Variants in SYT1 observed in about 807,000 individuals in gnomAD.
The protein encoded by SYT1 is synaptotagmin 1.
Under a neutral mutation model 44.8 loss-of-function variants are expected in SYT1, and 8 were observed. That is an observed-to-expected ratio of 0.18 (90% confidence interval 0.10 to 0.32). SYT1 has a LOEUF of 0.32. SYT1 is among the 10% of genes least tolerant of loss of function. SYT1 has a pLI of 1.00. For synonymous variants in SYT1, 154 were observed against 188.8 expected, an observed-to-expected ratio of 0.82 and a Z score of 1.51; for missense variants, 286 against 509.3, an observed-to-expected ratio of 0.56 and a Z score of 4.22.
chr12:79,021,230 G>C (rs1465909771), intron 2 of SYT1, among the ~76,000 whole-genome samples: 1 of 151,852 alleles, frequency 6.6e-6, no homozygotes, highest in Non-Finnish European at 1.5e-5. Context: ...CTGCACATTT[G>C]GCTAGGAGAC....
intron 9 of SYT1, among the ~76,000 whole-genome samples, chr12:79,370,594 C>T (rs1006426382): frequency 3.9e-5 from 6 of 152,038 alleles, no homozygotes; most frequent in African/African-American, 1.4e-4. Context: ...AACCCCCTCT[C>T]TACTAAAAAT....
chr12:78,880,998 T>G (rs1412323955), intron 1 of SYT1, among the ~76,000 whole-genome samples: 1 of 151,678 alleles, frequency 6.6e-6, no homozygotes, highest in Non-Finnish European at 1.5e-5. Flanking sequence ...AACTGGCTTT[T>G]CTACCTTACA....
intron 2 of SYT1, among the ~76,000 whole-genome samples, chr12:79,034,299 T>G (rs1338278992): frequency 1.3e-5 from 2 of 151,586 alleles, no homozygotes; most frequent in African/African-American, 4.8e-5. Context: ...CTCTTTCCTT[T>G]GGGTAAATAC....
At chr12:79,119,549 C>T (rs373790703) in intron 3 of SYT1, among the ~76,000 whole-genome samples, 1 of 151,952 alleles carries the variant, frequency 6.6e-6, no homozygotes, top group Admixed American at 6.6e-5. Flanking sequence ...CTTTTTCTAT[C>T]TAACTCCTCC....
At chr12:78,878,528 T>G (rs10861072) in intron 1 of SYT1, among the ~76,000 whole-genome samples, 82,300 of 151,464 alleles carry the variant, frequency 0.54, 22,560 homozygotes, top group African/African-American at 0.57. Flanking sequence ...GGTGAATAAG[T>G]TTGAAGAGTA....
At chr12:79,441,206 A>G (rs994797176) in intron 9 of SYT1, among the ~76,000 whole-genome samples, 1 of 152,224 alleles carries the variant, frequency 6.6e-6, no homozygotes, top group African/African-American at 2.4e-5. Flanking sequence ...TGGTACCTGT[A>G]TCAGGGTCAA....
chr12:79,355,004 A>G (rs1353124956), intron 9 of SYT1, among the ~76,000 whole-genome samples: 5 of 152,056 alleles, frequency 3.3e-5, no homozygotes. Context: ...AAGTCATCCT[A>G]TCTGCTTCAG....
intron 8 of SYT1, among the ~76,000 whole-genome samples, chr12:79,329,186 G>A (rs1008867226): frequency 1.3e-5 from 2 of 152,158 alleles, no homozygotes; most frequent in Non-Finnish European, 2.9e-5. Flanking sequence ...CCCACTGGGT[G>A]AGGAGGCCGT....
intron 10 of SYT1, 119 bp downstream of exon 10, chr12:79,444,325 TCTC>T: frequency 8.2e-7 from 1 of 1,223,826 alleles, no homozygotes; most frequent in Admixed American, 2.2e-5. Flanking sequence ...TGCCATTCTT[TCTC>T]CCCATGCACA....
intron 1 of SYT1, among the ~76,000 whole-genome samples, chr12:78,908,775 T>G (rs1159978899): frequency 6.6e-6 from 1 of 151,908 alleles, no homozygotes; most frequent in Non-Finnish European, 1.5e-5. Context: ...AGTCCACTAT[T>G]TTGGCCCTTA....
At chr12:79,295,119 T>G (rs1879818209) in intron 6 of SYT1, among the ~76,000 whole-genome samples, 1 of 152,116 alleles carries the variant, frequency 6.6e-6, no homozygotes, top group Non-Finnish European at 1.5e-5. Context: ...ACCTATGGTG[T>G]TACTGCATTT....
rs191607800 is a variant in SYT1 at position 79,041,622 on chromosome 12, C to T, written c.-83-5675C>T. On this transcript the variant is annotated intron_variant, in intron 2 of 10. Transcript: ENST00000261205. ...CTAATTGAATACCCTTTATTTCCTT[C>T]TCCTGCCTAATTGCCCTGGCCAGAA... Among the ~76,000 whole-genome samples the T allele has an allele frequency of 7.8e-3, 1,184 of 152,200 alleles. 57 individuals carry two copies. Among genetic ancestry groups the T allele is most frequent in the Admixed American group, 0.07 (1,071 of 15,284 alleles).
At chr12:79,105,568 T>C (rs945788150) in intron 3 of SYT1, among the ~76,000 whole-genome samples, 2 of 152,088 alleles carry the variant, frequency 1.3e-5, no homozygotes, top group African/African-American at 4.8e-5. Context: ...CAAAGTATTT[T>C]GGATATTGGA....
chr12:78,881,570 T>G (rs2137056378), intron 1 of SYT1, among the ~76,000 whole-genome samples: 1 of 151,874 alleles, frequency 6.6e-6, no homozygotes, highest in East Asian at 1.9e-4. Flanking sequence ...GGAAAACTTC[T>G]AAAATATGCA....
intron 2 of SYT1, among the ~76,000 whole-genome samples, chr12:78,990,731 T>C (rs1869959631): frequency 6.6e-6 from 1 of 152,176 alleles, no homozygotes; most frequent in Non-Finnish European, 1.5e-5. Flanking sequence ...TGTAAGAGCT[T>C]ATCTCCTTTT....
intron 4 of SYT1, among the ~76,000 whole-genome samples, chr12:79,224,750 T>TA (rs1377680926): frequency 4.1e-3 from 41 of 9,914 alleles, no homozygotes; most frequent in African/African-American, 0.02. Flanking sequence ...TTTATTTATT[T>TA]TTTATTATTA....
chr12:79,139,597 A>T (rs765891953), intron 3 of SYT1, among the ~76,000 whole-genome samples: 5 of 152,276 alleles, frequency 3.3e-5, no homozygotes, highest in Admixed American at 2.6e-4. Flanking sequence ...GTCAATGTTA[A>T]TGGTACTTTT....
intron 1 of SYT1, among the ~76,000 whole-genome samples, chr12:78,962,612 G>A (rs748555643): frequency 6.6e-5 from 10 of 152,020 alleles, no homozygotes; most frequent in Non-Finnish European, 8.8e-5. Context: ...TGGCCTGTGT[G>A]TATTCTCATT....
chr12:78,869,092 T>C (rs1873689393), intron 1 of SYT1, among the ~76,000 whole-genome samples: 1 of 151,928 alleles, frequency 6.6e-6, no homozygotes, highest in South Asian at 2.1e-4. Flanking sequence ...GAATGTGGGT[T>C]GATATGTTTT....
Sources: allele counts gnomAD v4.1 joint callset (sites outside exome capture counted in the v4.1 genomes callset), GRCh38; gene constraint gnomAD v4.1.1; transcripts MANE v1.5; gene names NCBI Gene and HGNC (gene_info 2026-07-23, HGNC 2026-07-21).